MAP4K5: variants seen among roughly 807,000 people sequenced by gnomAD.
MAP4K5 encodes the protein mitogen-activated protein kinase kinase kinase kinase 5.
MAP4K5 carries 82 observed loss-of-function variants against 135.6 expected under a neutral mutation model. The observed-to-expected ratio is 0.60, with a 90% CI of 0.51 to 0.73. The LOEUF (loss-of-function observed/expected upper bound fraction) is 0.73. Ranked by LOEUF, MAP4K5 falls within the 30% of genes least tolerant of loss-of-function variation. The pLI is 0.00. For missense variants in MAP4K5, 907 were observed against 1,010.9 expected (o/e 0.90, Z 1.39); for synonymous variants, 347 against 335.0 (o/e 1.04, Z -0.39).
At chr14:50,472,769 C>G (rs1023908172) in intron 9 of MAP4K5, among the ~76,000 whole-genome samples, 1 of 152,090 alleles carries the variant, frequency 6.6e-6, no homozygotes, top group African/African-American at 2.4e-5. Context: ...TATCTAAATC[C>G]TAGTACTTGG....
intron 12 of MAP4K5, among the ~76,000 whole-genome samples, chr14:50,463,420 T>C (rs1465905678): frequency 6.6e-6 from 1 of 152,186 alleles, no homozygotes; most frequent in Non-Finnish European, 1.5e-5. Context: ...ATGGGGAAAA[T>C]CTAGTGCACT....
chr14:50,478,949 A>G (rs1379555852), intron 6 of MAP4K5, among the ~76,000 whole-genome samples: 1 of 152,036 alleles, frequency 6.6e-6, no homozygotes, highest in African/African-American at 2.4e-5. Context: ...GAATGCTTCT[A>G]AGATGTTCTA....
intron 1 of MAP4K5, chr14:50,542,672 T>TG (rs2038580783): frequency 6.6e-6 from 1 of 152,028 alleles, no homozygotes; most frequent in Non-Finnish European, 1.5e-5. Context: ...CAACCCATTA[T>TG]CTATAGGCTC....
At chr14:50,470,495 A>G (rs950054858) in intron 9 of MAP4K5, among the ~76,000 whole-genome samples, 2 of 152,142 alleles carry the variant, frequency 1.3e-5, no homozygotes, top group Non-Finnish European at 2.9e-5. Flanking sequence ...TCTTCATTTA[A>G]CTTTTATTTA....
chr14:50,526,147 C>T (rs1467503262), intron 2 of MAP4K5, among the ~76,000 whole-genome samples: 1 of 152,146 alleles, frequency 6.6e-6, no homozygotes, highest in Admixed American at 6.5e-5. Context: ...TTTTAAAAAT[C>T]CAGTTAATGT....
At chr14:50,555,313 G>A (rs541344118) in intron 1 of MAP4K5, among the ~76,000 whole-genome samples, 61 of 152,134 alleles carry the variant, frequency 4.0e-4, no homozygotes, top group African/African-American at 1.4e-3. Flanking sequence ...ACGGAGTCTC[G>A]CTCTGTCACC....
Position 50,443,763 on chromosome 14 carries a change from G to C in MAP4K5, c.1445C>G (p.Ala482Gly), listed in dbSNP as rs1024908950. The C allele has an allele frequency of 1.9e-6, 3 of 1,598,870 alleles. No homozygotes were observed. Among genetic ancestry groups the C allele is most frequent in the Non-Finnish European group, 2.6e-6 (3 of 1,175,688 alleles). ...KKDKRDFPKP[A>G]INGLPPTPKV... Reference sequence around the variant, plus strand: ...TGGGGTGGGTGGAAGGCCATTGATGGCTGGTTTCTATGGGAAAAATAAAAT... The same window carrying C: ...TGGGGTGGGTGGAAGGCCATTGATGCCTGGTTTCTATGGGAAAAATAAAAT... The change falls in exon 20 of 33, where the codon GCC becomes GGC. Residue 482 changes from alanine (A) to glycine (G), a missense_variant. Transcript: ENST00000682126.
At position 50,524,153 on chromosome 14, in the gene MAP4K5, C is replaced by T. The variant is rs143908739; in HGVS notation, c.108+7789G>A. 1.1e-4 allele frequency among the ~76,000 whole-genome samples: 16 copies of T among 152,228 alleles called. No homozygotes were observed. The East Asian group carries it at 2.3e-3, about 22-fold the overall frequency. On this transcript the variant is annotated intron_variant, in intron 2 of 32. Coordinates refer to ENST00000682126, the MANE Select transcript of MAP4K5 (RefSeq NM_006575.6). ...AATCGTCTTAGACACTTGGGTGATA[C>T]GACAAACTTAAAGAATGGTAACTGA...
intron 30 of MAP4K5, 100 bp downstream of exon 30, chr14:50,428,562 T>A: frequency 1.5e-6 from 1 of 660,764 alleles, no homozygotes; most frequent in African/African-American, 1.9e-5. Flanking sequence ...TTTACAGAAA[T>A]TTCTGTGAGA....
intron 23 of MAP4K5, among the ~76,000 whole-genome samples, chr14:50,439,333 T>TAAAAAAA (rs377755870): frequency 2.2e-5 from 2 of 90,336 alleles, no homozygotes; most frequent in Non-Finnish European, 4.8e-5. Flanking sequence ...AGGTAAGAAT[T>TAAAAAAA]AAAAAAAAAA....
intron 2 of MAP4K5, among the ~76,000 whole-genome samples, chr14:50,542,073 C>CTATTGTCT (rs1384192671): frequency 7.6e-6 from 1 of 132,290 alleles, no homozygotes; most frequent in African/African-American, 2.8e-5. Context: ...CTGCTGACAG[C>CTATTGTCT]TATTGTCTGT....
At chr14:50,445,968 A>AT (rs1441582792) in intron 17 of MAP4K5, 111 bp downstream of exon 17, 1 of 591,958 alleles carries the variant, frequency 1.7e-6, no homozygotes, top group Non-Finnish European at 2.8e-6. Context: ...AGAAAACTCT[A>AT]TTCATCTAAA....
intron 6 of MAP4K5, among the ~76,000 whole-genome samples, chr14:50,477,506 T>G (rs1251540226): frequency 6.6e-6 from 1 of 152,164 alleles, no homozygotes; most frequent in Non-Finnish European, 1.5e-5. Context: ...TCTAGGACAA[T>G]GTTGAAAAGT....
intron 21 of MAP4K5, among the ~76,000 whole-genome samples, 193 bp from the exon 22 acceptor site, chr14:50,440,634 A>G (rs914883182): frequency 1.3e-5 from 2 of 152,130 alleles, no homozygotes. Flanking sequence ...AAGCAGATAT[A>G]TTCTATGTTA....
intron 2 of MAP4K5, among the ~76,000 whole-genome samples, chr14:50,505,661 G>A (rs909173928): frequency 6.6e-6 from 1 of 152,114 alleles, no homozygotes; most frequent in Non-Finnish European, 1.5e-5. Flanking sequence ...AAGGTATGTG[G>A]ACTTATAATG....
chr14:50,490,892 T>C (rs2037469086), intron 3 of MAP4K5, among the ~76,000 whole-genome samples: 1 of 152,124 alleles, frequency 6.6e-6, no homozygotes, highest in African/African-American at 2.4e-5. Context: ...AAGAAAAAAG[T>C]AGAAATCTTG....
intron 1 of MAP4K5, among the ~76,000 whole-genome samples, chr14:50,547,691 A>T (rs2038651512): frequency 1.3e-5 from 2 of 152,190 alleles, no homozygotes; most frequent in South Asian, 4.1e-4. Context: ...CCATGAGCTA[A>T]ATGAGGTGGT....
At chr14:50,508,925 T>G (rs544671430) in intron 2 of MAP4K5, among the ~76,000 whole-genome samples, 1 of 152,114 alleles carries the variant, frequency 6.6e-6, no homozygotes, top group Non-Finnish European at 1.5e-5. Context: ...TAAAGACACA[T>G]GCACATGTAT....
intron 27 of MAP4K5, 135 bp from the exon 28 acceptor site, chr14:50,434,706 T>C: frequency 2.4e-6 from 2 of 819,550 alleles, no homozygotes; most frequent in Non-Finnish European, 3.8e-6. Context: ...TCTAAGATGA[T>C]AAGAAGGATG....
Sources: gnomAD v4.1 joint callset for allele counts (sites outside exome capture counted in the v4.1 genomes callset) on GRCh38, gnomAD v4.1.1 for gene constraint, MANE v1.5 for transcripts, NCBI Gene and HGNC (gene_info 2026-07-23, HGNC 2026-07-21) for gene names.